The following WDFY2 variants were observed in gnomAD, a reference collection of about 807,000 sequenced individuals.
The protein encoded by WDFY2 is WD repeat and FYVE domain containing 2, also known as WD repeat and FYVE domain-containing protein 2.
A neutral mutation model predicts 56.4 loss-of-function variants in WDFY2; 36 were observed. That is an observed-to-expected ratio of 0.64 (90% CI 0.49 to 0.84). The LOEUF is 0.84. WDFY2 is among the 40% of genes least tolerant of loss of function. WDFY2 has a pLI of 0.00. For missense variants in WDFY2, 444 were observed against 512.2 expected (o/e 0.87, Z 1.29); for synonymous variants, 176 against 183.7 (o/e 0.96, Z 0.34).
chr13:51,700,140 A>T (rs1234926968), intron 3 of WDFY2, among the ~76,000 whole-genome samples: 3 of 150,536 alleles, frequency 2.0e-5, no homozygotes, highest in Non-Finnish European at 2.9e-5. Context: ...ATAAGGGTTT[A>T]AAAAAAAGAC....
At chr13:51,704,903 G>T (rs1365933603) in intron 4 of WDFY2, among the ~76,000 whole-genome samples, 1 of 152,166 alleles carries the variant, frequency 6.6e-6, no homozygotes, top group African/African-American at 2.4e-5. Context: ...TAACCTTTAA[G>T]ATGGTTCCTA....
chr13:51,662,610 A>G (rs1183372660), intron 2 of WDFY2, among the ~76,000 whole-genome samples: 5 of 152,208 alleles, frequency 3.3e-5, no homozygotes, highest in Non-Finnish European at 2.9e-5. Context: ...CTTTATTTGG[A>G]TATCACTGAG....
At chr13:51,701,423 A>T (rs1951981511) in intron 3 of WDFY2, among the ~76,000 whole-genome samples, 1 of 150,282 alleles carries the variant, frequency 6.7e-6, no homozygotes, top group Non-Finnish European at 1.5e-5. Context: ...CAGGAGGCTG[A>T]GGCAGGAGAA....
At chr13:51,587,570 A>G (rs539017477) in intron 1 of WDFY2, 2 of 152,368 alleles carry the variant, frequency 1.3e-5, no homozygotes, top group South Asian at 2.1e-4. Context: ...AAGTACTTCA[A>G]AACTCTGAAA....
intron 1 of WDFY2, among the ~76,000 whole-genome samples, chr13:51,629,363 T>C (rs1954904732): frequency 6.6e-6 from 1 of 152,232 alleles, no homozygotes; most frequent in Non-Finnish European, 1.5e-5. Context: ...ATGTGTTTGT[T>C]TTAGTATTAT....
intron 6 of WDFY2, among the ~76,000 whole-genome samples, chr13:51,738,267 G>A (rs1952886967): frequency 6.6e-6 from 1 of 152,024 alleles, no homozygotes; most frequent in African/African-American, 2.4e-5. Context: ...AGTATATAAG[G>A]GTTTGATTTA....
chr13:51,711,414 G>T (rs1460845291), intron 4 of WDFY2, among the ~76,000 whole-genome samples: 1 of 152,110 alleles, frequency 6.6e-6, no homozygotes, highest in Non-Finnish European at 1.5e-5. Context: ...AAAAGCAATG[G>T]CAACAAAAGC....
intron 1 of WDFY2, among the ~76,000 whole-genome samples, chr13:51,601,663 G>A (rs971558045): frequency 6.6e-6 from 1 of 152,088 alleles, no homozygotes; most frequent in Non-Finnish European, 1.5e-5. Flanking sequence ...TGATCCACCC[G>A]CCTTGGCCTC....
chr13:51,742,462 C>T (rs1039198154), intron 7 of WDFY2, among the ~76,000 whole-genome samples: 1 of 151,948 alleles, frequency 6.6e-6, no homozygotes, highest in African/African-American at 2.4e-5. Context: ...TTCCAGATTC[C>T]GGGACCAGTT....
At chr13:51,685,351 G>C in intron 3 of WDFY2, among the ~76,000 whole-genome samples, 1 of 152,272 alleles carries the variant, frequency 6.6e-6, no homozygotes. Context: ...CAATGTGGGG[G>C]TTAGGGGCAC....
At chr13:51,632,973 A>G (rs935931906) in intron 1 of WDFY2, among the ~76,000 whole-genome samples, 2 of 152,196 alleles carry the variant, frequency 1.3e-5, no homozygotes, top group Admixed American at 6.6e-5. Flanking sequence ...CGTTAGATTT[A>G]CTGTGATTTT....
intron 11 of WDFY2, among the ~76,000 whole-genome samples, chr13:51,758,610 C>A (rs762685722): frequency 6.7e-6 from 1 of 148,946 alleles, no homozygotes; most frequent in Non-Finnish European, 1.5e-5. Flanking sequence ...GAACCTATTA[C>A]AAACCTGATA....
chr13:51,611,343 G>A (rs558313015), intron 1 of WDFY2, among the ~76,000 whole-genome samples: 51 of 152,292 alleles, frequency 3.3e-4, no homozygotes, highest in African/African-American at 1.2e-3. Context: ...ACATTTTACT[G>A]TGTTAGAAAT....
chr13:51,650,258 T>C (rs1270771992), intron 1 of WDFY2, among the ~76,000 whole-genome samples: 1 of 152,242 alleles, frequency 6.6e-6, no homozygotes, highest in Non-Finnish European at 1.5e-5. Context: ...TTTTGCATAT[T>C]GATTTTGTAT....
intron 3 of WDFY2, among the ~76,000 whole-genome samples, chr13:51,675,562 A>T (rs1331961468): frequency 2.6e-5 from 4 of 152,210 alleles, no homozygotes; most frequent in African/African-American, 9.6e-5. Flanking sequence ...CTTTAATCAG[A>T]TGGTTAATCA....
At chr13:51,720,942 T>TTCTCTCTC (rs71749521) in intron 5 of WDFY2, among the ~76,000 whole-genome samples, 37 of 147,844 alleles carry the variant, frequency 2.5e-4, no homozygotes, top group Admixed American at 1.3e-3. Flanking sequence ...TCATTCTGTC[T>TTCTCTCTC]TCTCTCTCTC....
At chr13:51,749,853 A>G (rs1291199301) in intron 7 of WDFY2, among the ~76,000 whole-genome samples, 1 of 152,208 alleles carries the variant, frequency 6.6e-6, no homozygotes, top group Non-Finnish European at 1.5e-5. Flanking sequence ...TTGATACGCT[A>G]CAAAACATAA....
At chr13:51,736,280 A>G (rs189790249) in intron 6 of WDFY2, among the ~76,000 whole-genome samples, 26 of 152,322 alleles carry the variant, frequency 1.7e-4, no homozygotes, top group Non-Finnish European at 3.2e-4. Context: ...TGTTTTACAG[A>G]TGAGACTTCT....
chr13:51,726,392 A>T (rs925883418), intron 5 of WDFY2, among the ~76,000 whole-genome samples: 1 of 152,230 alleles, frequency 6.6e-6, no homozygotes, highest in Admixed American at 6.5e-5. Flanking sequence ...CTATTAAAAT[A>T]ACATGGAGTG....
Sources: allele counts gnomAD v4.1 joint callset (sites outside exome capture counted in the v4.1 genomes callset), GRCh38; gene constraint gnomAD v4.1.1; transcripts MANE v1.5; gene names NCBI Gene and HGNC (gene_info 2026-07-23, HGNC 2026-07-21).